The following SGCE variants were observed in gnomAD, a reference collection of about 807,000 sequenced individuals.
SGCE encodes epsilon-sarcoglycan.
A neutral mutation model predicts 57.8 loss-of-function variants in SGCE; 26 were observed. The observed-to-expected ratio is 0.45, with a 90% CI of 0.33 to 0.62. The LOEUF is 0.62. SGCE is among the 20% of genes least tolerant of loss of function. The pLI is 0.02. For missense variants in SGCE, 468 were observed against 548.6 expected, an observed-to-expected ratio of 0.85 and a Z score of 1.47; for synonymous variants, 183 against 189.5, an observed-to-expected ratio of 0.97 and a Z score of 0.28.
intron 10 of SGCE, chr7:94,587,705 A>T: frequency 6.5e-7 from 1 of 1,534,256 alleles, no homozygotes; most frequent in Admixed American, 2.2e-5. Flanking sequence ...AAAGCAAGTA[A>T]TCAAAATTGT....
chr7:94,594,671 A>T (rs970442916), intron 9 of SGCE: 3 of 152,136 alleles, frequency 2.0e-5, no homozygotes, highest in African/African-American at 7.2e-5. Context: ...GTACTGTAAG[A>T]TGTTAACAAC....
intron 1 of SGCE, among the ~76,000 whole-genome samples, chr7:94,645,849 A>C (rs1039694856): frequency 6.6e-6 from 1 of 152,222 alleles, no homozygotes; most frequent in South Asian, 2.1e-4. Flanking sequence ...TTTGAAGAAA[A>C]TTTTGGATTT....
chr7:94,620,573 A>G (rs1802605340), intron 4 of SGCE: 1 of 152,240 alleles, frequency 6.6e-6, no homozygotes, highest in Non-Finnish European at 1.5e-5. Flanking sequence ...GCAATAAATA[A>G]TAAAATATTT....
intron 1 of SGCE, among the ~76,000 whole-genome samples, chr7:94,650,182 T>C (rs1807682533): frequency 6.6e-6 from 1 of 152,250 alleles, no homozygotes; most frequent in African/African-American, 2.4e-5. Context: ...AAAAATATTT[T>C]ATTTTGCTAT....
chr7:94,588,229 T>G (rs185185583), intron 10 of SGCE: 2 of 1,049,790 alleles, frequency 1.9e-6, no homozygotes, highest in African/African-American at 1.7e-5. Context: ...TAACAGCTTT[T>G]TAAAGCGGCT....
intron 9 of SGCE, 118 bp downstream of exon 9, chr7:94,598,654 TTTG>T: frequency 1.3e-6 from 1 of 796,936 alleles, no homozygotes; most frequent in Non-Finnish European, 2.2e-6. Context: ...ACAATGTCCT[TTTG>T]TTATTTTCTC....
intron 5 of SGCE, among the ~76,000 whole-genome samples, chr7:94,608,986 T>C (rs1800585931): frequency 6.6e-6 from 1 of 151,808 alleles, no homozygotes; most frequent in African/African-American, 2.4e-5. Context: ...GAGGAGAAAA[T>C]CGAGATGACC....
chr7:94,644,015 A>G (rs1249653309), intron 1 of SGCE, among the ~76,000 whole-genome samples: 1 of 152,324 alleles, frequency 6.6e-6, no homozygotes. Context: ...GAATCTTAAA[A>G]GGAAGAGAAC....
intron 4 of SGCE, chr7:94,622,414 A>G (rs61070356): frequency 0.14 from 21,760 of 152,132 alleles, 1,676 homozygotes; most frequent in South Asian, 0.25. Flanking sequence ...GATCACATGA[A>G]GTCCGGAGTT....
At chr7:94,599,923 A>G (rs975485159) in intron 7 of SGCE, 200 bp from the exon 8 acceptor site, 1 of 423,354 alleles carries the variant, frequency 2.4e-6, no homozygotes, top group Non-Finnish European at 4.2e-6. Context: ...TGAGAAACAC[A>G]TAGAAAAATG....
At chr7:94,618,589 A>T in intron 5 of SGCE, 169 bp downstream of exon 5, 1 of 607,820 alleles carries the variant, frequency 1.6e-6, no homozygotes, top group Non-Finnish European at 2.8e-6. Flanking sequence ...AACCACTAAC[A>T]CAACATCTTT....
chr7:94,631,862 C>T (rs151233243), intron 1 of SGCE, among the ~76,000 whole-genome samples: 7 of 152,144 alleles, frequency 4.6e-5, no homozygotes, highest in East Asian at 1.9e-4. Flanking sequence ...CTAAAGGAAT[C>T]TCTTTGTAGT....
intron 5 of SGCE, among the ~76,000 whole-genome samples, chr7:94,615,838 CTCT>C (rs1801848553): frequency 6.6e-6 from 1 of 152,192 alleles, no homozygotes. Context: ...TATGAACCTG[CTCT>C]TCTTCCCACC....
intron 5 of SGCE, 101 bp from the exon 6 acceptor site, chr7:94,603,553 T>C: frequency 1.9e-6 from 2 of 1,068,088 alleles, no homozygotes; most frequent in Non-Finnish European, 2.8e-6. Flanking sequence ...AATTGAGAGA[T>C]TAACTAGACT....
At chr7:94,591,006 C>CT (rs1797604110) in intron 9 of SGCE, 1 of 152,174 alleles carries the variant, frequency 6.6e-6, no homozygotes, top group African/African-American at 2.4e-5. Context: ...AAACTCAACT[C>CT]TAACACAATT....
At chr7:94,629,374 T>C (rs999846804) in intron 2 of SGCE, 1 of 227,764 alleles carries the variant, frequency 4.4e-6, no homozygotes, top group Non-Finnish European at 8.8e-6. Context: ...ATGTATAGTT[T>C]TCCAAAAATC....
At chr7:94,632,167 T>G (rs1170117040) in intron 1 of SGCE, among the ~76,000 whole-genome samples, 1 of 152,018 alleles carries the variant, frequency 6.6e-6, no homozygotes, top group African/African-American at 2.4e-5. Flanking sequence ...TATTTGCTGC[T>G]ATAAGGTGGT....
At chr7:94,650,511 G>T (rs550803637) in intron 1 of SGCE, among the ~76,000 whole-genome samples, 18 of 152,314 alleles carry the variant, frequency 1.2e-4, no homozygotes, top group African/African-American at 3.8e-4. Context: ...AGAGATAGGA[G>T]GGTGTGTGTT....
At chr7:94,622,208 A>C (rs1196923412) in intron 4 of SGCE, 1 of 152,196 alleles carries the variant, frequency 6.6e-6, no homozygotes, top group East Asian at 1.9e-4. Context: ...TAGAAGCAAA[A>C]ATTCCCCTAT....
Sources: allele counts gnomAD v4.1 joint callset (sites outside exome capture counted in the v4.1 genomes callset), GRCh38; gene constraint gnomAD v4.1.1; transcripts MANE v1.5; gene names NCBI Gene and HGNC (gene_info 2026-07-23, HGNC 2026-07-21).